FAM13A: variants seen among roughly 807,000 people sequenced by gnomAD.
FAM13A encodes family with sequence similarity 13 member A, also known as protein FAM13A.
In FAM13A, 76 loss-of-function variants were observed where a neutral mutation model predicts 129.6. That is an observed-to-expected ratio of 0.59 (90% CI 0.49 to 0.71). FAM13A has a LOEUF of 0.71. Among genes scored for constraint, FAM13A ranks in the 30% least tolerant of loss-of-function variants. The pLI is 0.00. For missense variants in FAM13A, 1,108 were observed against 1,249.3 expected (o/e 0.89, Z 1.70); for synonymous variants, 443 against 449.9 (o/e 0.98, Z 0.20).
intron 7 of FAM13A, among the ~76,000 whole-genome samples, chr4:88,828,286 G>A (rs556340469): frequency 4.6e-5 from 7 of 152,142 alleles, no homozygotes; most frequent in South Asian, 2.1e-4. Flanking sequence ...GACCACAGGC[G>A]CATGCTAAAA....
intron 21 of FAM13A, among the ~76,000 whole-genome samples, chr4:88,733,502 T>C (rs1738322748): frequency 6.6e-6 from 1 of 152,200 alleles, no homozygotes; most frequent in Non-Finnish European, 1.5e-5. Context: ...ACAATTCCCA[T>C]CGACGTAGTT....
chr4:88,998,562 T>C (rs186885776), intron 3 of FAM13A, among the ~76,000 whole-genome samples: 2 of 152,304 alleles, frequency 1.3e-5, no homozygotes, highest in Admixed American at 1.3e-4. Flanking sequence ...GGAATCTTAA[T>C]TAATTTGTGA....
At chr4:89,049,652 G>A (rs1771292956) in intron 1 of FAM13A, among the ~76,000 whole-genome samples, 1 of 152,010 alleles carries the variant, frequency 6.6e-6, no homozygotes, top group Admixed American at 6.6e-5. Context: ...GAGTTCTATT[G>A]TATTACTATT....
intron 7 of FAM13A, among the ~76,000 whole-genome samples, chr4:88,847,701 G>A (rs905146609): frequency 3.3e-5 from 5 of 152,174 alleles, no homozygotes; most frequent in South Asian, 2.1e-4. Flanking sequence ...TTGGGAGGCC[G>A]AGGCGGGTGG....
intron 5 of FAM13A, among the ~76,000 whole-genome samples, chr4:88,910,591 C>T (rs1013306418): frequency 6.6e-6 from 1 of 152,032 alleles, no homozygotes; most frequent in African/African-American, 2.4e-5. Context: ...CTATCCCCTA[C>T]CCTATTTTAT....
In FAM13A at chr4:88,866,900, T is replaced by G. The variant is rs1740559512; in HGVS notation, c.844-15717A>C. ...GAAATGTTAATATAATTTTTTAAAC[T>G]TTTTAAATTAAAAATTGAACATAAT... On this transcript the variant is annotated intron_variant, in intron 6 of 23. Coordinates refer to ENST00000264344, the MANE Select transcript of FAM13A (RefSeq NM_014883.4). Among the ~76,000 whole-genome samples the G allele has an allele frequency of 2.0e-5, 3 of 152,206 alleles. No homozygotes were observed. The South Asian group carries it at 6.2e-4, about 31-fold the overall frequency.
intron 7 of FAM13A, among the ~76,000 whole-genome samples, chr4:88,815,840 C>T (rs533070971): frequency 6.6e-6 from 1 of 152,020 alleles, no homozygotes; most frequent in African/African-American, 2.4e-5. Context: ...CTGAATGTAA[C>T]ATTGCTCTTA....
chr4:88,995,223 A>G (rs1054892544), intron 3 of FAM13A, among the ~76,000 whole-genome samples: 2 of 150,426 alleles, frequency 1.3e-5, no homozygotes, highest in Admixed American at 6.6e-5. Flanking sequence ...CACACTTTCT[A>G]TGTGTCTAAC....
intron 1 of FAM13A, among the ~76,000 whole-genome samples, chr4:89,032,118 C>T (rs1319210854): frequency 6.6e-6 from 1 of 151,940 alleles, no homozygotes; most frequent in Non-Finnish European, 1.5e-5. Context: ...GTGGTGGGCA[C>T]CTGTAGTCCC....
At position 88,727,421 on chromosome 4, in the gene FAM13A, A is replaced by G. The variant is rs1318050328; in HGVS notation, c.*1112T>C. The G allele has an allele frequency of 6.6e-6, 1 of 152,654 alleles. No homozygotes were observed. The highest frequency in any genetic ancestry group is 2.4e-5 in the African/African-American group (1 of 41,468). The allele number at this position is 152,654 out of a possible 1,614,324, so 9.5% of individuals were successfully genotyped here. On this transcript the variant is annotated 3_prime_UTR_variant, in exon 24 of 24. Coordinates refer to ENST00000264344, the MANE Select transcript of FAM13A (RefSeq NM_014883.4). ...AAAAAATTATAATTGGCCACACAGC[A>G]TGACTTCTTTTTTTTCTTTTTATAC...
At chr4:88,917,510 T>G (rs929071902) in intron 5 of FAM13A, among the ~76,000 whole-genome samples, 3 of 152,130 alleles carry the variant, frequency 2.0e-5, no homozygotes, top group African/African-American at 7.2e-5. Flanking sequence ...GTTACTCCTT[T>G]CCTGGAAACT....
rs1368652708 is a variant in FAM13A, at chr4:88,787,886, CA to C, written c.1137del (p.Phe379LeufsTer66). 1.2e-6 allele frequency: 2 copies of C among 1,613,346 alleles called. No individual in the cohort carries two copies. Among genetic ancestry groups the C allele is most frequent in the Non-Finnish European group, 1.7e-6 (2 of 1,179,604 alleles). On this transcript the variant is annotated frameshift_variant, in exon 10 of 24. Coordinates refer to ENST00000264344, the MANE Select transcript of FAM13A (RefSeq NM_014883.4). LOFTEE classifies it high-confidence loss of function. ...TIRSAVEQHL[F>X]DVNNSGGQSS... Reference sequence around the variant, plus strand: ...CTTTGACCTCCAGAGTTATTAACATCAAAAAGATGTTGTTCTACAGCTGATC... The same window carrying C: ...CTTTGACCTCCAGAGTTATTAACATCAAAAGATGTTGTTCTACAGCTGATC...
rs1346683452 is a variant in FAM13A at position 88,942,310 on chromosome 4, TA to T, written c.606-4070del. Among the ~76,000 whole-genome samples, 7 of 152,294 alleles carry T rather than the reference TA, an allele frequency of 4.6e-5. No individual in the cohort carries two copies. In the East Asian group the frequency reaches 1.4e-3, roughly 29 times the overall value. Reference sequence around the variant, plus strand: ...GGCTGGGTATGGTGGCTCATGCCTATAATCTCAGCACTTTGGGAGGCTGAGG... The same window carrying T: ...GGCTGGGTATGGTGGCTCATGCCTATATCTCAGCACTTTGGGAGGCTGAGG... On this transcript the variant is annotated intron_variant, in intron 4 of 23. Coordinates refer to ENST00000264344, the MANE Select transcript of FAM13A (RefSeq NM_014883.4).
intron 6 of FAM13A, among the ~76,000 whole-genome samples, chr4:88,885,775 T>C (rs1408917560): frequency 6.8e-6 from 1 of 146,064 alleles, no homozygotes; most frequent in Non-Finnish European, 1.5e-5. Context: ...AAAGGACTAA[T>C]ATCCAGAATA....
intron 4 of FAM13A, among the ~76,000 whole-genome samples, chr4:88,944,025 A>G (rs1267551051): frequency 6.6e-6 from 1 of 152,160 alleles, no homozygotes; most frequent in Admixed American, 6.5e-5. Context: ...AAACTATACT[A>G]TGTTTTATTT....
At chr4:89,013,940 A>C (rs555966345) in intron 3 of FAM13A, among the ~76,000 whole-genome samples, 1 of 152,226 alleles carries the variant, frequency 6.6e-6, no homozygotes, top group East Asian at 1.9e-4. Flanking sequence ...ATGACCGGTT[A>C]ATCGGCATGT....
chr4:89,004,724 CT>C (rs1390774854), intron 3 of FAM13A, among the ~76,000 whole-genome samples: 3 of 151,998 alleles, frequency 2.0e-5, no homozygotes, highest in Non-Finnish European at 2.9e-5. Context: ...AATGACTTTT[CT>C]TTTTATAACC....
intron 5 of FAM13A, among the ~76,000 whole-genome samples, chr4:88,928,534 C>G (rs1473389662): frequency 6.6e-6 from 1 of 151,952 alleles, no homozygotes; most frequent in African/African-American, 2.4e-5. Context: ...TGAATTGATC[C>G]CTTTATCATT....
intron 18 of FAM13A, among the ~76,000 whole-genome samples, 159 bp from the exon 19 acceptor site, chr4:88,747,174 G>A (rs745792861): frequency 2.0e-5 from 3 of 152,170 alleles, no homozygotes; most frequent in Non-Finnish European, 2.9e-5. Flanking sequence ...TTACTCCTGA[G>A]CTCTTGGGAG....
Sources: gnomAD v4.1 joint callset for allele counts (sites outside exome capture counted in the v4.1 genomes callset) on GRCh38, gnomAD v4.1.1 for gene constraint, MANE v1.5 for transcripts, NCBI Gene and HGNC (gene_info 2026-07-23, HGNC 2026-07-21) for gene names.